Variants in WDR91 observed in about 807,000 individuals in gnomAD.
The protein encoded by WDR91 is WD repeat-containing protein 91.
Under a neutral mutation model 88.4 loss-of-function variants are expected in WDR91, and 52 were observed. That is an observed-to-expected ratio of 0.59 (90% CI 0.47 to 0.74). The LOEUF is 0.74. Ranked by LOEUF, WDR91 falls within the 30% of genes least tolerant of loss-of-function variation. WDR91 has a pLI of 0.00. For synonymous variants in WDR91, 362 were observed against 389.5 expected (o/e 0.93, Z 0.83); for missense variants, 824 against 954.5 (o/e 0.86, Z 1.80).
intron 3 of WDR91, among the ~76,000 whole-genome samples, chr7:135,208,003 G>C (rs541913565): frequency 1.3e-5 from 2 of 152,268 alleles, no homozygotes; most frequent in South Asian, 2.1e-4. Flanking sequence ...CACTCATCTG[G>C]GGCACAGAAA....
At position 135,207,165 on chromosome 7, in the gene WDR91, C is replaced by G. The variant is rs146886305; in HGVS notation, c.549G>C (p.Gln183His). ...PVILNFDAEC[Q>H]RTNQVQEENE... ...TTTCTTCTTGAACCTGGTTAGTCCT[C>G]TGACACTCCGCATCAAAGTTCAGGA... The change falls in exon 4 of 15, where the codon CAG becomes CAC. Residue 183 changes from glutamine to histidine, a missense_variant. Coordinates refer to ENST00000354475, the MANE Select transcript of WDR91 (RefSeq NM_014149.4). 173 of 1,608,446 alleles carry G rather than the reference C, an allele frequency of 1.1e-4. No individual in the cohort carries two copies. Among genetic ancestry groups the G allele is most frequent in the Middle Eastern group, 5.0e-4 (3 of 6,054 alleles).
intron 1 of WDR91, chr7:135,210,727 C>T (rs1831984143): frequency 2.9e-6 from 2 of 698,744 alleles, no homozygotes; most frequent in Admixed American, 2.0e-5. Context: ...AGGCAGGAAA[C>T]CAGATCTCCT....
rs199762177 is a variant in WDR91, at chr7:135,195,014, G to T, written c.1315C>A (p.Pro439Thr). ...DGVIKVWSFN[P>T]IMQTKASSIS... ...GAGGATGCTTTGGTCTGCATGATGG[G>T]GTTGAAGGACCACACTTTGATGACC... Residue 439 changes from proline to threonine, a missense_variant, in exon 9 of 15, where the codon CCC becomes ACC. Coordinates refer to ENST00000354475, the MANE Select transcript of WDR91 (RefSeq NM_014149.4). 7 of 1,614,028 alleles carry T rather than the reference G, an allele frequency of 4.3e-6. No individual in the cohort carries two copies. In the African/African-American group the frequency reaches 9.3e-5, roughly 22 times the overall value.
At chr7:135,211,321 G>A (rs1832010158) in intron 1 of WDR91, 59 bp downstream of exon 1, 1 of 1,556,514 alleles carries the variant, frequency 6.4e-7, no homozygotes, top group Non-Finnish European at 8.7e-7. Context: ...CTGGGGGGAA[G>A]CCCGCTCCCC....
intron 1 of WDR91, 134 bp downstream of exon 1, chr7:135,211,246 G>T: frequency 2.9e-6 from 4 of 1,368,680 alleles, no homozygotes; most frequent in Non-Finnish European, 3.9e-6. Context: ...AGCTGGGGTC[G>T]GACGCGCTGA....
chr7:135,187,657 T>C (rs1382172887), intron 13 of WDR91, among the ~76,000 whole-genome samples: 1 of 152,184 alleles, frequency 6.6e-6, no homozygotes, highest in Non-Finnish European at 1.5e-5. Context: ...ATATAATCAA[T>C]TGAACACTGG....
At position 135,209,740 on chromosome 7, in the gene WDR91, C is replaced by T. The variant is rs886416784; in HGVS notation, c.139G>A (p.Asp47Asn). The part of the protein sequence containing the change: ...EKGFRVDKIV[D>N]QLQQLMQVYD... Reference sequence around the variant, plus strand: ...ACCTGCATTAACTGCTGCAGCTGGTCCACAATCTTATCCACCTGGCGAGAA... The same window carrying T: ...ACCTGCATTAACTGCTGCAGCTGGTTCACAATCTTATCCACCTGGCGAGAA... The change falls in exon 2 of 15, where the codon GAC (aspartate) becomes AAC (asparagine). Residue 47 changes from aspartate (D) to asparagine (N), a missense_variant. By Grantham distance (23) the Asp-to-Asn change is conservative. Coordinates refer to ENST00000354475, the MANE Select transcript of WDR91 (RefSeq NM_014149.4). The T allele has an allele frequency of 5.6e-6, 9 of 1,598,752 alleles. No individual in the cohort carries two copies. Among genetic ancestry groups the T allele is most frequent in the African/African-American group, 1.3e-5 (1 of 74,274 alleles).
intron 14 of WDR91, 63 bp downstream of exon 14, chr7:135,186,909 C>T (rs1830964518): frequency 1.9e-6 from 3 of 1,597,918 alleles, no homozygotes; most frequent in Admixed American, 1.7e-5. Context: ...ATGGCCCAGA[C>T]CTCCAGGGAG....
rs148159459 is a variant in WDR91 at position 135,186,987 on chromosome 7, G to A, written c.2064C>T (p.Gly688=). 1.5e-4 allele frequency: 247 copies of A among 1,613,860 alleles called. 1 individual carries two copies. Among genetic ancestry groups the A allele is most frequent in the African/African-American group, 1.5e-3 (112 of 75,026 alleles). The change falls in exon 14 of 15, where the codon GGC becomes GGT. Residue 688 remains glycine, a synonymous_variant. Transcript: ENST00000354475. ...CATCAGTTACCTTGTAGATGACGCC[G>A]CCTGTGGCAGAACATGTCAGCATGT... is the stretch of plus-strand genomic sequence containing the variant. The part of the protein sequence containing the change: ...GNYMLTCSAT[G]GVIYKLGGDE...
chr7:135,198,052 G>T lies in WDR91; in HGVS notation c.991C>A (p.Arg331=). The change falls in exon 7 of 15, where the codon CGG becomes AGG. Residue 331 remains arginine (R), a synonymous_variant. Coordinates refer to ENST00000354475, the MANE Select transcript of WDR91 (RefSeq NM_014149.4). The part of the protein sequence containing the change: ...GESGWSQHRQ[R]RLQDHGKERK... ...TCCTTGCCATGGTCCTGCAGGCGCCGCTGCCGGTGCTGTGACCAACCGGAC... is the reference window on the plus strand; with the variant it reads ...TCCTTGCCATGGTCCTGCAGGCGCCTCTGCCGGTGCTGTGACCAACCGGAC... 6.2e-7 allele frequency: 1 copy of T among 1,614,158 alleles called. No homozygotes were observed. Among genetic ancestry groups the T allele is most frequent in the East Asian group, 2.2e-5 (1 of 44,868 alleles).
rs140693007 is a variant in WDR91, at chr7:135,185,861, C to T, written c.*290G>A. The T allele has an allele frequency of 0.021, 8,429 of 403,464 alleles. 129 individuals carry two copies. Among genetic ancestry groups the T allele is most frequent in the Non-Finnish European group, 0.028 (6,466 of 228,650 alleles). The allele number at this position is 403,464 out of a possible 1,614,324, so 25.0% of individuals were successfully genotyped here. ...ACTGTCAATTTCTACTGGGCCAACACAGTAGCCACTGCAATGTTTCTCCTT... is the reference window on the plus strand; with the variant it reads ...ACTGTCAATTTCTACTGGGCCAACATAGTAGCCACTGCAATGTTTCTCCTT... On this transcript the variant is annotated 3_prime_UTR_variant, in exon 15 of 15. Transcript: ENST00000354475.
intron 11 of WDR91, among the ~76,000 whole-genome samples, chr7:135,191,537 G>A (rs139834924): frequency 1.4e-5 from 2 of 143,996 alleles, no homozygotes; most frequent in African/African-American, 5.1e-5. Context: ...CTCAGAAGGC[G>A]GATGTTGTGC....
chr7:135,198,099 A>G lies in WDR91; in HGVS notation c.944T>C (p.Leu315Pro), dbSNP rs373737659. 1 of 1,613,834 alleles carries G rather than the reference A, an allele frequency of 6.2e-7. No homozygotes were observed. Among genetic ancestry groups the G allele is most frequent in the Non-Finnish European group, 8.5e-7 (1 of 1,179,872 alleles). Residue 315 changes from leucine to proline, a missense_variant, in exon 7 of 15, where the codon CTC becomes CCC. Leu to Pro is a moderately conservative substitution (Grantham distance 98, BLOSUM62 -3). Transcript: ENST00000354475. Reference sequence around the variant, plus strand: ...GGACTCCCCAGTGGCCAGCCCGCTGAGGAGGCTCTTCCCATCCTTGGCTCC... The same window carrying G: ...GGACTCCCCAGTGGCCAGCCCGCTGGGGAGGCTCTTCCCATCCTTGGCTCC... ...TSGAKDGKSLLSGLATGESGW... is the reference protein window; with the variant it reads ...TSGAKDGKSLPSGLATGESGW...
At chr7:135,210,343 T>C (rs292599) in intron 1 of WDR91, among the ~76,000 whole-genome samples, 141,340 of 152,132 alleles carry the variant, frequency 0.93, 66,500 homozygotes, top group East Asian at 1. Context: ...GAGTGAGACT[T>C]TCTGTCAAAA....
chr7:135,203,283 G>A (rs1339410903), intron 6 of WDR91, among the ~76,000 whole-genome samples: 2 of 152,184 alleles, frequency 1.3e-5, no homozygotes, highest in Non-Finnish European at 1.5e-5. Flanking sequence ...TGGGTACAGC[G>A]AGCAGCCCCA....
chr7:135,201,535 G>A (rs1438096447), intron 6 of WDR91: 1 of 152,094 alleles, frequency 6.6e-6, no homozygotes, highest in Non-Finnish European at 1.5e-5. Context: ...TTACAAGGAG[G>A]CAAAGTGCTG....
chr7:135,199,352 A>T (rs1354009695), intron 6 of WDR91: 2 of 152,226 alleles, frequency 1.3e-5, no homozygotes, highest in Admixed American at 1.3e-4. Flanking sequence ...AACCTGTCTC[A>T]ATCAGCCACA....
chr7:135,207,800 C>T (rs1490233711), intron 3 of WDR91, among the ~76,000 whole-genome samples: 3 of 152,226 alleles, frequency 2.0e-5, no homozygotes, highest in African/African-American at 7.2e-5. Context: ...GAGCACAGAG[C>T]AGACAGGGCC....
At chr7:135,187,431 T>C (rs1269310873) in intron 13 of WDR91, among the ~76,000 whole-genome samples, 1 of 152,236 alleles carries the variant, frequency 6.6e-6, no homozygotes, top group Non-Finnish European at 1.5e-5. Flanking sequence ...AACCTCACAT[T>C]AAAGTCCAAC....
Sources: allele counts gnomAD v4.1 joint callset (sites outside exome capture counted in the v4.1 genomes callset), GRCh38; gene constraint gnomAD v4.1.1; transcripts MANE v1.5; gene names NCBI Gene and HGNC (gene_info 2026-07-23, HGNC 2026-07-21).